Variants in PTPRD observed in about 807,000 individuals in gnomAD.
The protein encoded by PTPRD is receptor-type tyrosine-protein phosphatase delta.
PTPRD carries 34 observed loss-of-function variants against 214.5 expected under a neutral mutation model. The ratio of observed to expected loss-of-function variants is 0.16; its 90% CI spans 0.12 to 0.21. PTPRD has a LOEUF of 0.21. PTPRD is among the 10% of genes least tolerant of loss of function. The probability of loss-of-function intolerance (pLI) is 1.00; values close to 1 mark genes in which losing one functional copy is unlikely to be tolerated. For synonymous variants in PTPRD, 1,128 were observed against 845.7 expected (o/e 1.33, Z -5.79); for missense variants, 2,545 against 2,398.7 (o/e 1.06, Z -1.27).
intron 10 of PTPRD, among the ~76,000 whole-genome samples, chr9:9,156,412 C>A (rs1435690929): frequency 1.3e-5 from 2 of 151,340 alleles, no homozygotes; most frequent in African/African-American, 4.8e-5. Context: ...CAGATTCATA[C>A]TTGCTCACCT....
intron 8 of PTPRD, among the ~76,000 whole-genome samples, chr9:9,540,420 G>T (rs1466318176): frequency 6.6e-6 from 1 of 151,794 alleles, no homozygotes; most frequent in Non-Finnish European, 1.5e-5. Context: ...CATCTTTACA[G>T]ACAGATTACA....
At chr9:8,962,121 T>C (rs552496015) in intron 11 of PTPRD, 1 of 152,280 alleles carries the variant, frequency 6.6e-6, no homozygotes, top group African/African-American at 2.4e-5. Flanking sequence ...AACTTTTATT[T>C]AGCTCTTGTT....
At chr9:10,352,049 G>C (rs1565478588) in intron 2 of PTPRD, among the ~76,000 whole-genome samples, 1 of 152,110 alleles carries the variant, frequency 6.6e-6, no homozygotes, top group East Asian at 1.9e-4. Context: ...GGTGGAAAGA[G>C]AACTGAATAA....
rs998155913 is a variant in PTPRD, at chr9:9,908,154, A to G, written c.-368+30353T>C. On this transcript the variant is annotated intron_variant, in intron 5 of 45. Coordinates refer to ENST00000381196, the MANE Select transcript of PTPRD (RefSeq NM_002839.4). Reference sequence around the variant, plus strand: ...AAAAGTATCTAGTTGGGCAAAGGAAAAGTCCATGGAGATTGAAAGAAGATG... The same window carrying G: ...AAAAGTATCTAGTTGGGCAAAGGAAGAGTCCATGGAGATTGAAAGAAGATG... 3.9e-5 allele frequency among the ~76,000 whole-genome samples: 6 copies of G among 152,154 alleles called. No individual in the cohort carries two copies. In the East Asian group the frequency reaches 9.6e-4, roughly 24 times the overall value.
At chr9:8,792,840 T>C (rs781751555) in intron 11 of PTPRD, among the ~76,000 whole-genome samples, 3 of 152,158 alleles carry the variant, frequency 2.0e-5, no homozygotes, top group Non-Finnish European at 4.4e-5. Context: ...TCTCTCCCTC[T>C]TTTTTCTTTC....
rs180962322 is a variant in PTPRD at position 10,517,500 on chromosome 9, G to A, written c.-600+94898C>T. 2.8e-4 allele frequency among the ~76,000 whole-genome samples: 43 copies of A among 152,044 alleles called. 1 individual carries two copies. Among genetic ancestry groups the A allele is most frequent in the Admixed American group, 4.6e-4 (7 of 15,254 alleles). ...TAGGGTTTTCTACACATAAGATCAT[G>A]TCATTTGCATTTTTCCTTCATAGAT... On this transcript the variant is annotated intron_variant, in intron 2 of 45. Coordinates refer to ENST00000381196, the MANE Select transcript of PTPRD (RefSeq NM_002839.4).
chr9:9,276,562 G>A (rs1945728750), intron 9 of PTPRD, among the ~76,000 whole-genome samples: 1 of 151,302 alleles, frequency 6.6e-6, no homozygotes, highest in South Asian at 2.1e-4. Context: ...TCAGTCACTG[G>A]CATGCCATAT....
At position 9,950,750 on chromosome 9, in the gene PTPRD, A is replaced by AAG. The variant is rs2093374863; in HGVS notation, c.-471-12141_-471-12140insCT. The stretch of plus-strand genomic sequence containing the variant: ...AAAAAAAAAAAAAAAAAAAAAAAAA[A>AAG]AAAAAAAAAAGAAGAAAGTGGAAGA... On this transcript the variant is annotated intron_variant, in intron 4 of 45. Transcript: ENST00000381196. Among the ~76,000 whole-genome samples the AAG allele has an allele frequency of 8.9e-5, 3 of 33,530 alleles. 1 individual carries two copies. In the African/African-American group the frequency reaches 2.5e-3, roughly 28 times the overall value. 22.0% of individuals were successfully genotyped at this position (33,530 alleles called of 152,430 possible). A position where few individuals can be genotyped will look rare whatever the true frequency, so the allele number is the denominator to read the frequency against.
At chr9:9,924,126 A>G (rs2083460358) in intron 5 of PTPRD, among the ~76,000 whole-genome samples, 1 of 152,090 alleles carries the variant, frequency 6.6e-6, no homozygotes, top group Non-Finnish European at 1.5e-5. Flanking sequence ...AATAGGAAAT[A>G]ATGATTTCAC....
In PTPRD at chr9:9,278,994, A is replaced by G. The variant is rs554782699; in HGVS notation, c.-202-95631T>C. Among the ~76,000 whole-genome samples the G allele has an allele frequency of 2.2e-4, 33 of 151,324 alleles. No homozygotes were observed. In the South Asian group the frequency reaches 6.4e-3, roughly 29 times the overall value. ...CAAAATAAACCTCAGTTTTACTTGA[A>G]CAATAACCTGTCCGGAAAACTATAT... On this transcript the variant is annotated intron_variant, in intron 9 of 45. Coordinates refer to ENST00000381196, the MANE Select transcript of PTPRD (RefSeq NM_002839.4).
At chr9:10,605,348 A>G (rs1160439228) in intron 2 of PTPRD, among the ~76,000 whole-genome samples, 1 of 151,902 alleles carries the variant, frequency 6.6e-6, no homozygotes, top group African/African-American at 2.4e-5. Context: ...GGACTGGTGC[A>G]TAGACTGTAA....
At chr9:9,910,640 G>GT (rs1444607798) in intron 5 of PTPRD, among the ~76,000 whole-genome samples, 3 of 151,888 alleles carry the variant, frequency 2.0e-5, no homozygotes, top group Admixed American at 6.6e-5. Context: ...ATTAGGCATT[G>GT]TTTTTTGTTA....
intron 14 of PTPRD, among the ~76,000 whole-genome samples, chr9:8,552,727 T>G (rs1452307676): frequency 2.0e-5 from 3 of 152,156 alleles, no homozygotes; most frequent in Non-Finnish European, 4.4e-5. Flanking sequence ...GAATACCTAC[T>G]CTCGCTTTGC....
At chr9:10,310,913 C>T (rs1366296372) in intron 3 of PTPRD, among the ~76,000 whole-genome samples, 1 of 152,008 alleles carries the variant, frequency 6.6e-6, no homozygotes, top group Non-Finnish European at 1.5e-5. Flanking sequence ...GAACAAGCTG[C>T]TTGTTCCAGT....
In PTPRD at chr9:9,756,206, C is replaced by G. The variant is rs188883676; in HGVS notation, c.-326+10604G>C. On this transcript the variant is annotated intron_variant, in intron 6 of 45. Transcript: ENST00000381196. The stretch of plus-strand genomic sequence containing the variant: ...ACAGAGATGAACATAAATTCTAACT[C>G]TGAGTCTTCTGGAGCACCAGAGGGT... Among the ~76,000 whole-genome samples, 4 of 152,130 alleles carry G rather than the reference C, an allele frequency of 2.6e-5. No individual in the cohort carries two copies. In the East Asian group the frequency reaches 7.7e-4, roughly 29 times the overall value.
intron 10 of PTPRD, among the ~76,000 whole-genome samples, chr9:9,127,882 A>G (rs568876273): frequency 2.0e-5 from 3 of 152,322 alleles, no homozygotes; most frequent in Admixed American, 6.5e-5. Context: ...TGAATTTCGT[A>G]TATCTTCTAA....
At chr9:10,379,250 G>T (rs1590346) in intron 2 of PTPRD, among the ~76,000 whole-genome samples, 115,584 of 150,606 alleles carry the variant, frequency 0.77, 44,629 homozygotes, top group Non-Finnish European at 0.83. Flanking sequence ...AGTTTTTTTT[G>T]TGTGTGTGTG....
intron 3 of PTPRD, among the ~76,000 whole-genome samples, chr9:10,185,847 G>A (rs983975603): frequency 6.6e-6 from 1 of 152,046 alleles, no homozygotes; most frequent in Non-Finnish European, 1.5e-5. Flanking sequence ...TATGATGCAG[G>A]AGTAGATAAT....
At chr9:10,216,155 G>C (rs992852729) in intron 3 of PTPRD, among the ~76,000 whole-genome samples, 7 of 151,720 alleles carry the variant, frequency 4.6e-5, no homozygotes, top group African/African-American at 1.7e-4. Context: ...TTTCTAAGTT[G>C]ATTTGAATTA....
Sources: gnomAD v4.1 joint callset for allele counts (sites outside exome capture counted in the v4.1 genomes callset) on GRCh38, gnomAD v4.1.1 for gene constraint, MANE v1.5 for transcripts, NCBI Gene and HGNC (gene_info 2026-07-23, HGNC 2026-07-21) for gene names.